Variants in DEAF1 observed in about 807,000 individuals in gnomAD.
DEAF1 encodes the protein DEAF1 transcription factor.
DEAF1 carries 53 observed loss-of-function variants against 58.9 expected under a neutral mutation model. The ratio of observed to expected loss-of-function variants is 0.90; its 90% confidence interval spans 0.72 to 1.13. The LOEUF (loss-of-function observed/expected upper bound fraction) is 1.13, where lower values mean the gene tolerates loss of function less well. DEAF1 is among the 50% of genes most tolerant of loss of function. The pLI, the probability that DEAF1 is intolerant of heterozygous loss-of-function variation, is 0.00. For missense variants in DEAF1, 685 were observed against 791.4 expected (o/e 0.87, Z 1.61); for synonymous variants, 385 against 340.4 (o/e 1.13, Z -1.44).
chr11:699,817 G>A, upstream of DEAF1: 1 of 292,904 alleles, frequency 3.4e-6, no homozygotes, highest in Non-Finnish European at 6.4e-6. Flanking sequence ...CCAAAGGCAG[G>A]GTGACATCAC....
Position 674,778 on chromosome 11 carries a change from T to C in DEAF1, c.1261A>G (p.Thr421Ala). The change falls in exon 10 of 12, where the codon ACA becomes GCA. Residue 421 changes from threonine (T) to alanine (A), a missense_variant. Physicochemically the swap from Thr to Ala is moderately conservative, Grantham distance 58. Transcript: ENST00000382409. ...GGGACCGCCAGCGCAGGCAGGGATG[T>C]CAACACTAGAGCATTTGGAAAGCAA... The part of the protein sequence containing the change: ...LPTSHPKIVL[T>A]SLPALAVPPP... The C allele has an allele frequency of 6.2e-7, 1 of 1,611,726 alleles. No homozygotes were observed. The highest frequency in any genetic ancestry group is 1.1e-5 in the South Asian group (1 of 91,084).
At chr11:700,729 TGAA>T (rs1861416052) in intron 1 of DEAF1, 1 of 1,585,016 alleles carries the variant, frequency 6.3e-7, no homozygotes, top group East Asian at 2.2e-5. Context: ...GTTAACACCG[TGAA>T]GAACCTGTCC....
intron 1 of DEAF1, among the ~76,000 whole-genome samples, chr11:700,419 C>T (rs1053537404): frequency 6.6e-5 from 10 of 151,376 alleles, no homozygotes; most frequent in Admixed American, 1.3e-4. Flanking sequence ...CCCAGCTACT[C>T]GGGAGACTGA....
In DEAF1 at chr11:694,958, CGCG is replaced by C; in HGVS notation, c.87_89del (p.Ala33del). 3 of 1,168,940 alleles carry C rather than the reference CGCG, an allele frequency of 2.6e-6. No individual in the cohort carries two copies. The highest frequency in any genetic ancestry group is 3.2e-6 in the Non-Finnish European group (3 of 948,868). The allele number at this position is 1,168,940 out of a possible 1,614,324, so 72.4% of individuals were successfully genotyped here. ...CCTCCGCCTCGCCTCCTGCCGCGGC[CGCG>C]GCCGCCGCCGCCACAGCGGCCGCGG... On this transcript the variant is annotated inframe_deletion, in exon 1 of 12. Transcript: ENST00000382409.
chr11:703,315 C>T lies in DEAF1; in HGVS notation c.-438+3257G>A. On this transcript the variant is annotated intron_variant, in intron 1 of 11. Transcript: ENST00000683307. Reference sequence around the variant, plus strand: ...GTTCTGGCAGGAGTGGGAGCAGGAGCCAGGGCAGAACAAACTGCTGGAGGC... The same window carrying T: ...GTTCTGGCAGGAGTGGGAGCAGGAGTCAGGGCAGAACAAACTGCTGGAGGC... 3 of 1,417,792 alleles carry T rather than the reference C, an allele frequency of 2.1e-6. No homozygotes were observed. The South Asian group carries it at 5.1e-5, about 24-fold the overall frequency. 87.8% of individuals were successfully genotyped at this position (1,417,792 alleles called of 1,614,324 possible).
At chr11:653,868 G>A (rs544658324) in intron 11 of DEAF1, 94 bp downstream of exon 11, 6 of 1,093,604 alleles carry the variant, frequency 5.5e-6, no homozygotes, top group Non-Finnish European at 8.4e-6. Flanking sequence ...AGTCAGGTGT[G>A]GCACCAGGAG....
intron 11 of DEAF1, among the ~76,000 whole-genome samples, chr11:649,992 C>A (rs1469661349): frequency 1.3e-5 from 2 of 152,006 alleles, no homozygotes; most frequent in Non-Finnish European, 2.9e-5. Flanking sequence ...TGCCATTGCA[C>A]TCCAGCCTGG....
chr11:690,239 G>C (rs1449766275), intron 2 of DEAF1, among the ~76,000 whole-genome samples: 1 of 92,602 alleles, frequency 1.1e-5, no homozygotes, highest in Non-Finnish European at 2.1e-5. Flanking sequence ...GGAAGGGGAG[G>C]GGAGGGGAGA....
At chr11:696,113 C>G (rs191011368), upstream of DEAF1, among the ~76,000 whole-genome samples, 1,398 of 152,194 alleles carry the variant, frequency 9.2e-3, 15 homozygotes, top group African/African-American at 0.032. Flanking sequence ...CCCCAGTCCC[C>G]GGCAGCTCTT....
intron 9 of DEAF1, 90 bp downstream of exon 9, chr11:678,603 CA>C (rs1465334542): frequency 6.3e-7 from 1 of 1,594,658 alleles, no homozygotes; most frequent in African/African-American, 1.3e-5. Context: ...CAAACCAAAC[CA>C]AAATGAATCC....
chr11:701,872 AAAAC>A (rs1861513285), intron 1 of DEAF1, among the ~76,000 whole-genome samples: 1 of 152,318 alleles, frequency 6.6e-6, no homozygotes, highest in African/African-American at 2.4e-5. Context: ...GTGCAGAAGT[AAAAC>A]ATGGAAATTC....
At position 694,962 on chromosome 11, in the gene DEAF1, G is replaced by GGCCCC; in HGVS notation, c.85_86insGGGGC (p.Ala29GlyfsTer16). The GGCCCC allele has an allele frequency of 3.7e-6, 4 of 1,089,708 alleles. No individual in the cohort carries two copies. The highest frequency in any genetic ancestry group is 5.6e-5 in the East Asian group (1 of 17,932). 67.5% of individuals were successfully genotyped at this position (1,089,708 alleles called of 1,614,324 possible). A position where few individuals can be genotyped will look rare whatever the true frequency, so the allele number is the denominator to read the frequency against. ...CGCCTCGCCTCCTGCCGCGGCCGCG[G>GGCCCC]CCGCCGCCGCCACAGCGGCCGCGGC... is the stretch of plus-strand genomic sequence containing the variant. On this transcript the variant is annotated frameshift_variant, in exon 1 of 12. Transcript: ENST00000382409. LOFTEE classifies it high-confidence loss of function.
At chr11:678,271 A>G in intron 9 of DEAF1, 1 of 253,444 alleles carries the variant, frequency 3.9e-6, no homozygotes, top group Non-Finnish European at 7.8e-6. Context: ...GTGTATCGTC[A>G]TTTTAAAGAT....
intron 10 of DEAF1, chr11:654,769 T>G (rs1858965489): frequency 3.8e-5 from 15 of 394,684 alleles, no homozygotes; most frequent in Middle Eastern, 8.6e-4. Flanking sequence ...CCTGGGAGGC[T>G]GAGGTGGGAG....
intron 1 of DEAF1, among the ~76,000 whole-genome samples, chr11:705,684 G>C (rs929623499): frequency 9.9e-5 from 15 of 152,176 alleles, no homozygotes; most frequent in Admixed American, 6.5e-5. Context: ...CTGGGCCTGC[G>C]GTGGGCCCGG....
At chr11:653,124 C>T (rs1858862756) in intron 11 of DEAF1, among the ~76,000 whole-genome samples, 1 of 148,282 alleles carries the variant, frequency 6.7e-6, no homozygotes. Flanking sequence ...TGACTAAATG[C>T]TCCCGAGTAC....
In DEAF1 at chr11:644,759, C is replaced by T; in HGVS notation, c.1594-105G>A. The T allele has an allele frequency of 3.4e-6, 3 of 882,202 alleles. No individual in the cohort carries two copies. The Admixed American group carries it at 6.0e-5, about 18-fold the overall frequency. 54.6% of individuals were successfully genotyped at this position (882,202 alleles called of 1,614,324 possible). ...GAGGGTGCAGCCCTCTGTAACCTCA[C>T]CTGGAGGTGCTGAGAATGCCCTCCC... On this transcript the variant is annotated intron_variant, in intron 11 of 11. Transcript: ENST00000382409. This position sits in a 1 kb window ranked among gnomAD's most constrained non-coding sequence, Gnocchi z 4.3.
chr11:690,834 T>C (rs949924267), intron 2 of DEAF1, among the ~76,000 whole-genome samples: 1 of 152,122 alleles, frequency 6.6e-6, no homozygotes, highest in Non-Finnish European at 1.5e-5. Context: ...AGACTACAAG[T>C]AACAGGTGCC....
Position 644,375 on chromosome 11 carries a change from G to A in DEAF1, c.*175C>T, listed in dbSNP as rs1038647850. 4.6e-6 allele frequency: 3 copies of A among 657,890 alleles called. No homozygotes were observed. In the African/African-American group the frequency reaches 5.3e-5, roughly 12 times the overall value. The allele number at this position is 657,890 out of a possible 1,614,324, so 40.8% of individuals were successfully genotyped here. ...GGCAGGGGGCCCGGGCAGGGGGAGT[G>A]CGCTTCCCAGGGCACCATTCGCTTA... is the stretch of plus-strand genomic sequence containing the variant. On this transcript the variant is annotated 3_prime_UTR_variant, in exon 12 of 12. Transcript: ENST00000382409. This position sits in a 1 kb window ranked among gnomAD's most constrained non-coding sequence, Gnocchi z 4.3.
Sources: allele counts gnomAD v4.1 joint callset (sites outside exome capture counted in the v4.1 genomes callset), GRCh38; gene constraint gnomAD v4.1.1; non-coding constraint Gnocchi (gnomAD v3.1); transcripts MANE v1.5; gene names NCBI Gene and HGNC (gene_info 2026-07-23, HGNC 2026-07-21).